Variants in ERBB4 observed in about 807,000 individuals in gnomAD.
The protein encoded by ERBB4 is erb-b2 receptor tyrosine kinase 4.
In ERBB4, 42 loss-of-function variants were observed where a neutral mutation model predicts 158.0. The observed-to-expected ratio is 0.27, with a 90% CI of 0.21 to 0.34. The LOEUF (loss-of-function observed/expected upper bound fraction) is 0.34. Among genes scored for constraint, ERBB4 ranks in the 10% least tolerant of loss-of-function variants. ERBB4 has a pLI of 1.00. For synonymous variants in ERBB4, 583 were observed against 558.7 expected (o/e 1.04, Z -0.61); for missense variants, 1,333 against 1,624.1 (o/e 0.82, Z 3.08).
At chr2:211,751,810 C>T (rs1458043377) in intron 4 of ERBB4, among the ~76,000 whole-genome samples, 1 of 152,174 alleles carries the variant, frequency 6.6e-6, no homozygotes, top group Non-Finnish European at 1.5e-5. Flanking sequence ...TAAATGAGTA[C>T]ACGGTTAAGA....
chr2:211,700,105 C>T (rs1443476109), intron 12 of ERBB4, among the ~76,000 whole-genome samples: 2 of 151,932 alleles, frequency 1.3e-5, no homozygotes, highest in African/African-American at 4.8e-5. Flanking sequence ...GGTAGTGGTA[C>T]TAATTTTTTT....
chr2:212,188,340 G>C (rs2082093289), intron 1 of ERBB4, among the ~76,000 whole-genome samples: 1 of 143,892 alleles, frequency 6.9e-6, no homozygotes, highest in South Asian at 2.4e-4. Flanking sequence ...ACAACTCTAG[G>C]ATAAACTCTT....
chr2:212,475,628 G>A (rs1472392929), intron 1 of ERBB4, among the ~76,000 whole-genome samples: 1 of 151,784 alleles, frequency 6.6e-6, no homozygotes, highest in African/African-American at 2.4e-5. Flanking sequence ...ATTCTATGAG[G>A]GGAAGAAGTA....
chr2:212,071,741 A>G (rs1460901285), intron 2 of ERBB4, among the ~76,000 whole-genome samples: 3 of 152,022 alleles, frequency 2.0e-5, no homozygotes, highest in South Asian at 2.1e-4. Context: ...ACGATGAAAC[A>G]TACAACATTT....
chr2:212,372,993 T>C (rs1008040766), intron 1 of ERBB4, among the ~76,000 whole-genome samples: 4 of 152,160 alleles, frequency 2.6e-5, no homozygotes, highest in African/African-American at 9.7e-5. Context: ...AGTAAATTGG[T>C]ATAGAAAATA....
At chr2:212,151,262 T>C (rs1212455401) in intron 1 of ERBB4, among the ~76,000 whole-genome samples, 1 of 150,910 alleles carries the variant, frequency 6.6e-6, no homozygotes, top group African/African-American at 2.4e-5. Flanking sequence ...TAAATATATA[T>C]ATTTAATATA....
chr2:212,218,561 G>A lies in ERBB4; in HGVS notation c.83-93658C>T, dbSNP rs138256672. Among the ~76,000 whole-genome samples the A allele has an allele frequency of 4.8e-4, 73 of 151,438 alleles. 1 individual carries two copies. Among genetic ancestry groups the A allele is most frequent in the African/African-American group, 1.4e-3 (58 of 41,442 alleles). The stretch of plus-strand genomic sequence containing the variant: ...AGAGAACATCCAGAATTAATAATGT[G>A]TGAACCTGGAGCTAGTCAACCAGCT... On this transcript the variant is annotated intron_variant, in intron 1 of 27. Coordinates refer to ENST00000342788, the MANE Select transcript of ERBB4 (RefSeq NM_005235.3).
intron 3 of ERBB4, among the ~76,000 whole-genome samples, chr2:211,877,815 A>G (rs752010668): frequency 1.8e-4 from 28 of 152,192 alleles, no homozygotes; most frequent in Non-Finnish European, 3.4e-4. Context: ...TATGTCGGTA[A>G]CAATGCATCA....
At chr2:211,528,139 G>C (rs1486445888) in intron 20 of ERBB4, among the ~76,000 whole-genome samples, 1 of 151,908 alleles carries the variant, frequency 6.6e-6, no homozygotes, top group East Asian at 1.9e-4. Context: ...GACACACACA[G>C]ACTGAAAATA....
intron 9 of ERBB4, among the ~76,000 whole-genome samples, chr2:211,709,258 T>C (rs199841645): frequency 0.095 from 9,895 of 103,796 alleles, 407 homozygotes; most frequent in African/African-American, 0.12. Context: ...TATACACATA[T>C]ATATATATAT....
At chr2:212,127,367 C>T (rs545339888) in intron 1 of ERBB4, among the ~76,000 whole-genome samples, 10 of 152,194 alleles carry the variant, frequency 6.6e-5, no homozygotes, top group South Asian at 4.1e-4. Context: ...CCAAGGTGGG[C>T]GGATCACGAG....
rs544410908 is a variant in ERBB4 at position 211,806,918 on chromosome 2, TCTTTTAAAGATA to T, written c.422-18771_422-18760del. 2.0e-4 allele frequency among the ~76,000 whole-genome samples: 31 copies of T among 152,240 alleles called. No homozygotes were observed. In the East Asian group the frequency reaches 5.0e-3, roughly 25 times the overall value. ...ACAAAGATAGTATCTTTTAACAATA[TCTTTTAAAGATA>T]CTTTTAAAGATAGTATCTTTAAACA... On this transcript the variant is annotated intron_variant, in intron 3 of 27. Coordinates refer to ENST00000342788, the MANE Select transcript of ERBB4 (RefSeq NM_005235.3).
chr2:211,991,780 G>A (rs1000192346), intron 2 of ERBB4, among the ~76,000 whole-genome samples: 1 of 152,154 alleles, frequency 6.6e-6, no homozygotes, highest in South Asian at 2.1e-4. Context: ...AAAAATCAGA[G>A]ACATTGAAGA....
intron 20 of ERBB4, among the ~76,000 whole-genome samples, chr2:211,500,990 T>C (rs2065600668): frequency 6.6e-6 from 1 of 152,028 alleles, no homozygotes. Flanking sequence ...TTTAGTAAGA[T>C]TTGACATACA....
At chr2:212,502,800 C>T (rs1441043805) in intron 1 of ERBB4, among the ~76,000 whole-genome samples, 1 of 152,102 alleles carries the variant, frequency 6.6e-6, no homozygotes, top group East Asian at 1.9e-4. Context: ...GAGACAGGGT[C>T]TCACTCTGTC....
rs535687585 is a variant in ERBB4 at position 212,026,738 on chromosome 2, A to G, written c.235-79122T>C. On this transcript the variant is annotated intron_variant, in intron 2 of 27. Coordinates refer to ENST00000342788, the MANE Select transcript of ERBB4 (RefSeq NM_005235.3). The stretch of plus-strand genomic sequence containing the variant: ...TTTGCATTAACTCTTCCTAGAAGCA[A>G]TATATGCCTATGGCTGAAATTCAGT... 6.6e-4 allele frequency among the ~76,000 whole-genome samples: 100 copies of G among 152,032 alleles called. 2 individuals are homozygous for G. Among genetic ancestry groups the G allele is most frequent in the Admixed American group, 7.9e-4 (12 of 15,240 alleles).
chr2:212,239,533 T>C (rs375236319), intron 1 of ERBB4, among the ~76,000 whole-genome samples: 3 of 152,204 alleles, frequency 2.0e-5, no homozygotes, highest in African/African-American at 7.2e-5. Flanking sequence ...AAGGTAATTT[T>C]CATCATCTTC....
chr2:212,129,519 T>A (rs540126478), intron 1 of ERBB4, among the ~76,000 whole-genome samples: 1 of 151,852 alleles, frequency 6.6e-6, no homozygotes, highest in Admixed American at 6.6e-5. Flanking sequence ...ATGGTATAAA[T>A]ACTTAGGATT....
chr2:211,912,213 C>G (rs2079557418), intron 3 of ERBB4, among the ~76,000 whole-genome samples: 1 of 151,978 alleles, frequency 6.6e-6, no homozygotes, highest in Non-Finnish European at 1.5e-5. Flanking sequence ...AAGGAGGAGC[C>G]AATTATGTGC....
Sources: gnomAD v4.1 joint callset for allele counts (sites outside exome capture counted in the v4.1 genomes callset) on GRCh38, gnomAD v4.1.1 for gene constraint, MANE v1.5 for transcripts, NCBI Gene and HGNC (gene_info 2026-07-23, HGNC 2026-07-21) for gene names.